The following KMT2B variants were observed in gnomAD, a reference collection of about 807,000 sequenced individuals.
KMT2B encodes the protein histone-lysine N-methyltransferase 2B.
In KMT2B, 22 loss-of-function variants were observed where a neutral mutation model predicts 255.3. That is an observed-to-expected ratio of 0.09 (90% CI 0.06 to 0.12). The LOEUF is 0.12. Ranked by LOEUF, KMT2B falls within the 10% of genes least tolerant of loss-of-function variation. The probability of loss-of-function intolerance (pLI) is 1.00; values close to 1 mark genes in which losing one functional copy is unlikely to be tolerated. For synonymous variants in KMT2B, 1,730 were observed against 1,498.1 expected (o/e 1.15, Z -3.57); for missense variants, 3,149 against 3,737.0 (o/e 0.84, Z 4.10).
At position 35,725,780 on chromosome 19, in the gene KMT2B, A is replaced by C; in HGVS notation, c.3847A>C (p.Ser1283Arg). The C allele has an allele frequency of 6.3e-7, 1 of 1,597,460 alleles. No homozygotes were observed. Among genetic ancestry groups the C allele is most frequent in the Non-Finnish European group, 8.5e-7 (1 of 1,172,542 alleles). Residue 1283 changes from serine (S) to arginine (R), a missense_variant, in exon 13 of 37, where the codon AGC (serine) becomes CGC (arginine). Physicochemically the swap from Ser to Arg is moderately radical, Grantham distance 110. Coordinates refer to ENST00000420124, the MANE Select transcript of KMT2B (RefSeq NM_014727.3). The surrounding 1 kb of genome is among the most constrained non-coding windows in gnomAD (Gnocchi z 4.1). Reference protein sequence around the residue: ...HAYHPACLGPSYPTRATRKRR... With the variant: ...HAYHPACLGPRYPTRATRKRR... The stretch of plus-strand genomic sequence containing the variant: ...ATACCACCCGGCCTGTCTGGGGCCC[A>C]GCTATCCAACCCGGGCCACGCGCAA...
In KMT2B at chr19:35,738,759, G is replaced by A. The variant is rs1226528617; in HGVS notation, c.*202G>A. 3.0e-5 allele frequency: 18 copies of A among 609,834 alleles called. No homozygotes were observed. The highest frequency in any genetic ancestry group is 3.0e-5 in the Admixed American group (1 of 33,370). 37.8% of individuals were successfully genotyped at this position (609,834 alleles called of 1,614,324 possible). On this transcript the variant is annotated 3_prime_UTR_variant, in exon 37 of 37. Coordinates refer to ENST00000420124, the MANE Select transcript of KMT2B (RefSeq NM_014727.3). The surrounding 1 kb of genome is among the most constrained non-coding windows in gnomAD (Gnocchi z 8.7). Reference sequence around the variant, plus strand: ...CAATCGCCCCCTTTCTGCCCTGGGGGCCCAGGATGTAGATATTGTACAAAG... The same window carrying A: ...CAATCGCCCCCTTTCTGCCCTGGGGACCCAGGATGTAGATATTGTACAAAG...
In KMT2B at chr19:35,732,957, C is replaced by T. The variant is rs1969769241; in HGVS notation, c.6408C>T (p.Leu2136=). 9 of 1,604,448 alleles carry T rather than the reference C, an allele frequency of 5.6e-6. No individual in the cohort carries two copies. The highest frequency in any genetic ancestry group is 1.7e-5 in the Admixed American group (1 of 58,794). The change falls in exon 28 of 37, where the codon CTC becomes CTT. Residue 2136 remains leucine (L), a synonymous_variant. Transcript: ENST00000420124. ...GTGCTGGCCCTAGAGAGGAGTCACT[C>T]CCCCCGGCGCCTCCCCTGGCTAATG... ...DGGAGPREES[L]PPAPPLANGS...
Position 35,722,478 on chromosome 19 carries a change from C to T in KMT2B, c.2571+6C>T. 1.2e-6 allele frequency: 2 copies of T among 1,606,294 alleles called. No individual in the cohort carries two copies. ...CTAAGAGAGAGCGGCCCTCAGTATG[C>T]ATCGGGAGGAGGGCCCTGAAGAAGA... On this transcript the variant is annotated splice_donor_region_variant and intron_variant, in intron 4 of 36. Coordinates refer to ENST00000420124, the MANE Select transcript of KMT2B (RefSeq NM_014727.3).
In KMT2B at chr19:35,732,906, G is replaced by A. The variant is rs1268075975; in HGVS notation, c.6357G>A (p.Lys2119=). The part of the protein sequence containing the change: ...LPSEIVDFVL[K]NLGGPGDGGA... ...CGGAAATTGTGGATTTTGTGTTGAA[G>A]AACCTAGGGGGTCCTGGGGATGGAG... Residue 2119 remains lysine, a synonymous_variant, in exon 28 of 37, where the codon AAG becomes AAA. Transcript: ENST00000420124. 1.2e-6 allele frequency: 2 copies of A among 1,609,762 alleles called. No homozygotes were observed. Among genetic ancestry groups the A allele is most frequent in the Admixed American group, 1.7e-5 (1 of 59,546 alleles).
At position 35,720,782 on chromosome 19, in the gene KMT2B, C is replaced by T. The variant is rs753528166; in HGVS notation, c.1435C>T (p.Arg479Trp). Residue 479 changes from arginine to tryptophan, a missense_variant, in exon 3 of 37, where the codon CGG (arginine) becomes TGG (tryptophan). Arg to Trp is a moderately radical substitution (Grantham distance 101). Around this residue, in one of 18 missense-constraint regions of KMT2B, gnomAD observed 1,188 missense variants for 1,106.4 expected, o/e 1.07. Coordinates refer to ENST00000420124, the MANE Select transcript of KMT2B (RefSeq NM_014727.3). ...RGRPPLTPSQ[R>W]AEREAARAGP... ...CCGGCCTCCCCTGACTCCCAGCCAG[C>T]GGGCGGAGCGGGAAGCTGCTCGGGC... 79 of 1,482,402 alleles carry T rather than the reference C, an allele frequency of 5.3e-5. No homozygotes were observed. Among genetic ancestry groups the T allele is most frequent in the Non-Finnish European group, 6.8e-5 (76 of 1,112,912 alleles). The allele number at this position is 1,482,402 out of a possible 1,614,324, so 91.8% of individuals were successfully genotyped here.
Position 35,733,220 on chromosome 19 carries a change from T to C in KMT2B, c.6671T>C (p.Ile2224Thr). ...AAGCAGCCACCTTTGCCCCCCACCA[T>C]TTCCCCCACGGCTCCCACCTCCTGG... Reference protein sequence around the residue: ...PVKQPPLPPTISPTAPTSWTL... With the variant: ...PVKQPPLPPTTSPTAPTSWTL... The change falls in exon 28 of 37, where the codon ATT becomes ACT. Residue 2224 changes from isoleucine (I) to threonine (T), a missense_variant. Ile to Thr is a moderately conservative substitution (Grantham distance 89). Transcript: ENST00000420124. This position sits in a 1 kb window ranked among gnomAD's most constrained non-coding sequence, Gnocchi z 4.3. 7.9e-7 allele frequency: 1 copy of C among 1,273,728 alleles called. No homozygotes were observed. Among genetic ancestry groups the C allele is most frequent in the Non-Finnish European group, 1.1e-6 (1 of 949,740 alleles). 78.9% of individuals were successfully genotyped at this position (1,273,728 alleles called of 1,614,324 possible). A position where few individuals can be genotyped will look rare whatever the true frequency, so the allele number is the denominator to read the frequency against.
Position 35,720,904 on chromosome 19 carries a change from C to T in KMT2B, c.1557C>T (p.Thr519=). 1 of 1,607,508 alleles carries T rather than the reference C, an allele frequency of 6.2e-7. No homozygotes were observed. Among genetic ancestry groups the T allele is most frequent in the Non-Finnish European group, 8.5e-7 (1 of 1,177,542 alleles). The change falls in exon 3 of 37, where the codon ACC becomes ACT. Residue 519 remains threonine (T), a synonymous_variant. Coordinates refer to ENST00000420124, the MANE Select transcript of KMT2B (RefSeq NM_014727.3). ...DSPTVAPKST[T]FLKNIRQFIM... The stretch of plus-strand genomic sequence containing the variant: ...CCACCGTGGCCCCCAAAAGCACCAC[C>T]TTCCTGAAGAATATCCGGCAGTTTA...
In KMT2B at chr19:35,724,664, A is replaced by G; in HGVS notation, c.3362A>G (p.Gln1121Arg). 1 of 1,601,892 alleles carries G rather than the reference A, an allele frequency of 6.2e-7. No individual in the cohort carries two copies. ...NELPLPEPEE[Q>R]SRPRKPTLQP... is the part of the protein sequence containing the mutation. ...CTGCCACTGCCAGAACCTGAGGAGCAGAGCCGGCCCCGCAAACCTACCCTG... is the reference window on the plus strand; with the variant it reads ...CTGCCACTGCCAGAACCTGAGGAGCGGAGCCGGCCCCGCAAACCTACCCTG... The change falls in exon 9 of 37, where the codon CAG becomes CGG. Residue 1121 changes from glutamine (Q) to arginine (R), a missense_variant. Physicochemically the swap from Gln to Arg is conservative, Grantham distance 43. Coordinates refer to ENST00000420124, the MANE Select transcript of KMT2B (RefSeq NM_014727.3).
chr19:35,726,652 A>G (rs1230491132), intron 14 of KMT2B, among the ~76,000 whole-genome samples: 2 of 152,122 alleles, frequency 1.3e-5, no homozygotes, highest in Non-Finnish European at 2.9e-5. Context: ...CAGGCAGTAC[A>G]TTAGCAAGGC....
intron 14 of KMT2B, 65 bp downstream of exon 14, chr19:35,726,418 G>T: frequency 9.4e-7 from 1 of 1,068,584 alleles, no homozygotes; most frequent in Non-Finnish European, 1.5e-6. Flanking sequence ...TCTTTTACAG[G>T]CTTTAGCACA....
At chr19:35,729,359 C>A in intron 22 of KMT2B, 63 bp downstream of exon 22, 1 of 1,532,326 alleles carries the variant, frequency 6.5e-7, no homozygotes, top group South Asian at 1.2e-5. Context: ...TCCTCCGGTG[C>A]AAACAGCTCT....
chr19:35,737,200 G>A lies in KMT2B; in HGVS notation c.7487G>A (p.Gly2496Glu). The change falls in exon 33 of 37, where the codon GGA (glycine) becomes GAA (glutamate). Residue 2496 changes from glycine to glutamate, a missense_variant. Coordinates refer to ENST00000420124, the MANE Select transcript of KMT2B (RefSeq NM_014727.3). The surrounding 1 kb of genome is among the most constrained non-coding windows in gnomAD (Gnocchi z 5.3). ...QHYKFRYHQQGEGQEEPPLNP... is the reference protein window; with the variant it reads ...QHYKFRYHQQEEGQEEPPLNP... ...TATAAGTTCCGTTACCACCAGCAGG[G>A]AGAGGGCCAGGAGGAGCCGCCCCTG... The A allele has an allele frequency of 1.3e-6, 2 of 1,595,240 alleles. No individual in the cohort carries two copies. Among genetic ancestry groups the A allele is most frequent in the Non-Finnish European group, 1.7e-6 (2 of 1,171,214 alleles).
Position 35,723,593 on chromosome 19 carries a change from G to T in KMT2B, c.3058+91G>T, listed in dbSNP as rs1166988037. 6 of 1,330,136 alleles carry T rather than the reference G, an allele frequency of 4.5e-6. No homozygotes were observed. The highest frequency in any genetic ancestry group is 5.2e-6 in the Non-Finnish European group (5 of 970,552). The allele number at this position is 1,330,136 out of a possible 1,614,324, so 82.4% of individuals were successfully genotyped here. The stretch of plus-strand genomic sequence containing the variant: ...TTTTTCTTTGCTCTCCTCCCTTGCA[G>T]CTCACCCTCTCCATCTTCTCCGTTG... On this transcript the variant is annotated intron_variant, in intron 7 of 36. Coordinates refer to ENST00000420124, the MANE Select transcript of KMT2B (RefSeq NM_014727.3). The surrounding 1 kb of genome is among the most constrained non-coding windows in gnomAD (Gnocchi z 7.5).
rs761826790 is a variant in KMT2B at position 35,733,890 on chromosome 19, C to T, written c.7159+18C>T. The T allele has an allele frequency of 7.0e-6, 11 of 1,562,296 alleles. No homozygotes were observed. The highest frequency in any genetic ancestry group is 6.7e-5 in the East Asian group (3 of 44,580). ...CTATTCAGGTAGGGACCGGCCTTGC[C>T]CTCTCCCTCCTTGCCTGTGCCTGGC... On this transcript the variant is annotated intron_variant, in intron 30 of 36. Coordinates refer to ENST00000420124, the MANE Select transcript of KMT2B (RefSeq NM_014727.3). This position sits in a 1 kb window ranked among gnomAD's most constrained non-coding sequence, Gnocchi z 4.3.
Position 35,723,404 on chromosome 19 carries a change from C to G in KMT2B, c.3003-43C>G, listed in dbSNP as rs955597689. ...GGAGAGCTTCCTCTCTTCCCCCAGA[C>G]CACCAGTCCCCTACCCTGGTGACGT... On this transcript the variant is annotated intron_variant, in intron 6 of 36. Transcript: ENST00000420124. This position sits in a 1 kb window ranked among gnomAD's most constrained non-coding sequence, Gnocchi z 7.5. 1.3e-6 allele frequency: 2 copies of G among 1,540,750 alleles called. No individual in the cohort carries two copies. The highest frequency in any genetic ancestry group is 1.4e-5 in the African/African-American group (1 of 72,932).
chr19:35,723,966 G>A lies in KMT2B; in HGVS notation c.3293G>A (p.Gly1098Glu), dbSNP rs2077557651. 1 of 1,609,256 alleles carries A rather than the reference G, an allele frequency of 6.2e-7. No homozygotes were observed. The highest frequency in any genetic ancestry group is 1.3e-5 in the African/African-American group (1 of 74,776). Residue 1098 changes from glycine (G) to glutamate (E), a missense_variant, in exon 8 of 37, where the codon GGG becomes GAG. Physicochemically the swap from Gly to Glu is moderately conservative, Grantham distance 98 (BLOSUM62 -2). Coordinates refer to ENST00000420124, the MANE Select transcript of KMT2B (RefSeq NM_014727.3). This position sits in a 1 kb window ranked among gnomAD's most constrained non-coding sequence, Gnocchi z 7.5. ...GAGGATTCGGATGACTCGGAGCCCG[G>A]GGGCCCCCCTGCTCCTCGGCGTCGG... is the stretch of plus-strand genomic sequence containing the variant. ...IFEDSDDSEP[G>E]GPPAPRRRTP... is the part of the protein sequence containing the mutation.
At position 35,733,303 on chromosome 19, in the gene KMT2B, G is replaced by GCCCC; in HGVS notation, c.6755_6758dup (p.Pro2255AlafsTer49). On this transcript the variant is annotated frameshift_variant, in exon 28 of 37. Coordinates refer to ENST00000420124, the MANE Select transcript of KMT2B (RefSeq NM_014727.3). LOFTEE classifies it high-confidence loss of function. The surrounding 1 kb of genome is among the most constrained non-coding windows in gnomAD (Gnocchi z 4.3). ...GCCCGTGGTCGGAGTGGTCCGCCCT[G>GCCCC]CCCCGCCCCCGCCACCCCCTCCCCT... The GCCCC allele has an allele frequency of 7.5e-7, 1 of 1,340,096 alleles. No individual in the cohort carries two copies. The highest frequency in any genetic ancestry group is 1.0e-6 in the Non-Finnish European group (1 of 961,264). 83.0% of individuals were successfully genotyped at this position (1,340,096 alleles called of 1,614,324 possible).
chr19:35,728,647 G>A, intron 19 of KMT2B, 127 bp from the exon 20 acceptor site: 1 of 709,818 alleles, frequency 1.4e-6, no homozygotes, highest in South Asian at 1.7e-5. Flanking sequence ...TTATTTGGTG[G>A]ACTGAGAGAA....
chr19:35,734,524 A>G (rs1969845548), intron 30 of KMT2B, among the ~76,000 whole-genome samples: 1 of 152,224 alleles, frequency 6.6e-6, no homozygotes, highest in Admixed American at 6.5e-5. Context: ...CAGCGGAGCC[A>G]TGGATGGCAG....
Sources: gnomAD v4.1 joint callset for allele counts (sites outside exome capture counted in the v4.1 genomes callset) on GRCh38, gnomAD v4.1.1 for gene constraint, gnomAD v4.1.1 regional missense constraint, Gnocchi (gnomAD v3.1) non-coding constraint, MANE v1.5 for transcripts, NCBI Gene and HGNC (gene_info 2026-07-23, HGNC 2026-07-21) for gene names.